The following DHRS7 variants were observed in gnomAD, a reference collection of about 807,000 sequenced individuals.
DHRS7 encodes the protein dehydrogenase/reductase SDR family member 7.
A neutral mutation model predicts 38.9 loss-of-function variants in DHRS7; 34 were observed. The ratio of observed to expected loss-of-function variants is 0.87; its 90% CI spans 0.66 to 1.16. The LOEUF (loss-of-function observed/expected upper bound fraction) is 1.16, where lower values mean the gene tolerates loss of function less well. Ranked by LOEUF, DHRS7 falls within the 50% of genes most tolerant of loss-of-function variation. The pLI, the probability that DHRS7 is intolerant of heterozygous loss-of-function variation, is 0.00. For synonymous variants in DHRS7, 158 were observed against 153.1 expected (o/e 1.03, Z -0.24); for missense variants, 421 against 407.0 (o/e 1.03, Z -0.30).
At chr14:60,156,795 G>A (rs1896668729) in intron 1 of DHRS7, among the ~76,000 whole-genome samples, 1 of 152,160 alleles carries the variant, frequency 6.6e-6, no homozygotes, top group Non-Finnish European at 1.5e-5. Context: ...TTCATCTTAG[G>A]AGAATATAGT....
intron 1 of DHRS7, among the ~76,000 whole-genome samples, chr14:60,160,061 C>T (rs1443673795): frequency 6.6e-6 from 1 of 152,170 alleles, no homozygotes; most frequent in Non-Finnish European, 1.5e-5. Context: ...TACAGTGGCT[C>T]ACGCCTGTAA....
chr14:60,166,181 T>C, upstream of DHRS7: 1 of 968,662 alleles, frequency 1.0e-6, no homozygotes, highest in Non-Finnish European at 1.2e-6. Context: ...AAACATTTAA[T>C]TGCTTCCCAC....
rs1896491815 is a variant in DHRS7, at chr14:60,149,553, C to T, written c.772G>A (p.Gly258Arg). The change falls in exon 6 of 7, where the codon GGA (glycine) becomes AGA (arginine). Residue 258 changes from glycine (G) to arginine (R), a missense_variant. Gly to Arg is a moderately radical substitution (Grantham distance 125). Transcript: ENST00000557185. ...GEVTKTIGNN[G>R]DQSHKMTTSR... ...GTTGTCATCTTGTGGGACTGGTCTC[C>T]ATTATTGCCTATAGTCTAAGAAAAG... is the stretch of plus-strand genomic sequence containing the variant. The T allele has an allele frequency of 1.2e-6, 2 of 1,610,138 alleles. No homozygotes were observed. The highest frequency in any genetic ancestry group is 2.7e-5 in the African/African-American group (2 of 74,638).
At chr14:60,165,405 C>T (rs970207513), upstream of DHRS7, 7 of 1,475,654 alleles carry the variant, frequency 4.7e-6, no homozygotes, top group Admixed American at 2.2e-5. The surrounding 1 kb of genome is among the most constrained non-coding windows in gnomAD (Gnocchi z 4.6). Context: ...CTTCGGCCAG[C>T]CCAGAGCCGC....
chr14:60,166,028 C>T (rs910993625), upstream of DHRS7, among the ~76,000 whole-genome samples: 3 of 152,220 alleles, frequency 2.0e-5, no homozygotes, highest in Non-Finnish European at 4.4e-5. Context: ...AAATCCTCCC[C>T]TTACCCAAGC....
intron 2 of DHRS7, among the ~76,000 whole-genome samples, chr14:60,154,627 T>C (rs1896620296): frequency 6.6e-6 from 1 of 152,310 alleles, no homozygotes; most frequent in East Asian, 1.9e-4. Flanking sequence ...CAACTGAAAC[T>C]AATTTTCCTG....
chr14:60,166,310 A>G (rs1429216330), upstream of DHRS7: 3 of 984,498 alleles, frequency 3.0e-6, no homozygotes, highest in Non-Finnish European at 3.6e-6. Flanking sequence ...GTGCATAGAA[A>G]CTAGGCCATG....
At chr14:60,149,148 T>A (rs573624126) in intron 6 of DHRS7, 1 of 557,448 alleles carries the variant, frequency 1.8e-6, no homozygotes, top group East Asian at 3.1e-5. Context: ...ACTTTTTGTA[T>A]TTTTAGTAGA....
chr14:60,163,771 G>A (rs918713648), intron 1 of DHRS7, among the ~76,000 whole-genome samples: 9 of 152,036 alleles, frequency 5.9e-5, no homozygotes, highest in Non-Finnish European at 1.2e-4. Flanking sequence ...AATATTTTTT[G>A]TAGGATTAAA....
chr14:60,152,891 AT>A, intron 4 of DHRS7, 47 bp downstream of exon 4: 1 of 1,607,128 alleles, frequency 6.2e-7, no homozygotes, highest in Non-Finnish European at 8.5e-7. Flanking sequence ...TATCCCCCAT[AT>A]ACACATTTAA....
rs1896401055 is a variant in DHRS7 at position 60,146,149 on chromosome 14, AAG to A, written c.973-1138_973-1137del. On this transcript the variant is annotated intron_variant, in intron 6 of 6. Coordinates refer to ENST00000557185, the MANE Select transcript of DHRS7 (RefSeq NM_016029.4). This position sits in a 1 kb window ranked among gnomAD's most constrained non-coding sequence, Gnocchi z 4.9. ...GCCCAGCTTATAATAAAGAGTGACA[AAG>A]TAGTAAGACTATATAATAAGCAATA... is the stretch of plus-strand genomic sequence containing the variant. The A allele has an allele frequency of 6.6e-6, 1 of 151,940 alleles. No homozygotes were observed. The highest frequency in any genetic ancestry group is 1.5e-5 in the Non-Finnish European group (1 of 67,960). 9.4% of individuals were successfully genotyped at this position (151,940 alleles called of 1,614,324 possible).
intron 1 of DHRS7, among the ~76,000 whole-genome samples, chr14:60,160,825 T>C (rs899644893): frequency 1.2e-4 from 18 of 152,014 alleles, no homozygotes; most frequent in African/African-American, 4.3e-4. Context: ...TTGTGAGCTC[T>C]AGCGATTTGC....
intron 4 of DHRS7, among the ~76,000 whole-genome samples, chr14:60,151,061 G>T (rs898081322): frequency 1.3e-5 from 2 of 152,184 alleles, no homozygotes; most frequent in East Asian, 3.8e-4. Flanking sequence ...TGGGGCAAAG[G>T]TGAGGAAGAT....
chr14:60,169,207 G>A (rs1429120133), upstream of DHRS7: 2 of 144,876 alleles, frequency 1.4e-5, no homozygotes, highest in Non-Finnish European at 3.0e-5. Context: ...GGTGAGTAGA[G>A]TTAATCAGTT....
chr14:60,152,707 T>C, intron 4 of DHRS7: 2 of 556,010 alleles, frequency 3.6e-6, no homozygotes, highest in Non-Finnish European at 6.4e-6. Context: ...TCTGTTGTAG[T>C]ACATGGCACA....
At position 60,161,696 on chromosome 14, in the gene DHRS7, G is replaced by A. The variant is rs554560508; in HGVS notation, c.133+3481C>T. 3.3e-5 allele frequency among the ~76,000 whole-genome samples: 5 copies of A among 152,274 alleles called. No homozygotes were observed. In the South Asian group the frequency reaches 1.0e-3, roughly 32 times the overall value. ...AGGGCAGGACACAGGATTCGGTAGG[G>A]TCTGGACAGTGCAGAGCAGGATGAG... On this transcript the variant is annotated intron_variant, in intron 1 of 6. Transcript: ENST00000557185. This position sits in a 1 kb window ranked among gnomAD's most constrained non-coding sequence, Gnocchi z 4.2.
Position 60,144,703 on chromosome 14 carries a change from A to G in DHRS7, c.*263T>C. ...CAAATGGACTAAGACAAATCTGTTA[A>G]CTTAGATTTTAAGCATATGTGCTAA... is the stretch of plus-strand genomic sequence containing the variant. On this transcript the variant is annotated 3_prime_UTR_variant, in exon 7 of 7. Coordinates refer to ENST00000557185, the MANE Select transcript of DHRS7 (RefSeq NM_016029.4). The G allele has an allele frequency of 2.9e-6, 1 of 344,104 alleles. No individual in the cohort carries two copies. The highest frequency in any genetic ancestry group is 6.4e-5 in the East Asian group (1 of 15,592). 21.3% of individuals were successfully genotyped at this position (344,104 alleles called of 1,614,324 possible).
In DHRS7 at chr14:60,145,101, G is replaced by A. The variant is rs1334280866; in HGVS notation, c.973-88C>T. Reference sequence around the variant, plus strand: ...TTAAGTCCTTCTGTTTTGAGGAGCTGTATCATTATGATTCACTATTAAGAA... The same window carrying A: ...TTAAGTCCTTCTGTTTTGAGGAGCTATATCATTATGATTCACTATTAAGAA... On this transcript the variant is annotated intron_variant, in intron 6 of 6. Coordinates refer to ENST00000557185, the MANE Select transcript of DHRS7 (RefSeq NM_016029.4). This position sits in a 1 kb window ranked among gnomAD's most constrained non-coding sequence, Gnocchi z 4.0. 2.3e-6 allele frequency: 2 copies of A among 856,058 alleles called. No individual in the cohort carries two copies. The highest frequency in any genetic ancestry group is 3.4e-6 in the Non-Finnish European group (2 of 580,150). The allele number at this position is 856,058 out of a possible 1,614,324, so 53.0% of individuals were successfully genotyped here.
upstream of DHRS7, among the ~76,000 whole-genome samples, chr14:60,167,258 C>A (rs899780738): frequency 1.3e-5 from 2 of 152,122 alleles, no homozygotes; most frequent in African/African-American, 4.8e-5. Flanking sequence ...TACTGTGTAC[C>A]CACAAAAATT....
Sources: gnomAD v4.1 joint callset for allele counts (sites outside exome capture counted in the v4.1 genomes callset) on GRCh38, gnomAD v4.1.1 for gene constraint, Gnocchi (gnomAD v3.1) non-coding constraint, MANE v1.5 for transcripts, NCBI Gene and HGNC (gene_info 2026-07-23, HGNC 2026-07-21) for gene names.